TRRAP: variants seen among roughly 807,000 people sequenced by gnomAD.
TRRAP encodes the protein transformation/transcription domain-associated protein.
TRRAP carries 41 observed loss-of-function variants against 438.8 expected under a neutral mutation model. The observed-to-expected ratio is 0.09, with a 90% CI of 0.07 to 0.12. The LOEUF (loss-of-function observed/expected upper bound fraction) is 0.12, where lower values mean the gene tolerates loss of function less well. Among genes scored for constraint, TRRAP ranks in the 10% least tolerant of loss-of-function variants. TRRAP has a pLI of 1.00. For missense variants in TRRAP, 3,122 were observed against 5,055.1 expected (o/e 0.62, Z 11.60); for synonymous variants, 1,994 against 1,962.9 (o/e 1.02, Z -0.42).
At chr7:98,972,323 G>A (rs1014664221) in intron 53 of TRRAP, among the ~76,000 whole-genome samples, 4 of 152,172 alleles carry the variant, frequency 2.6e-5, no homozygotes, top group Non-Finnish European at 5.9e-5. Context: ...GATTATAGGC[G>A]TGAAGCAGAG....
In TRRAP at chr7:98,995,000, C is replaced by A; in HGVS notation, c.10309+152C>A. The A allele has an allele frequency of 8.4e-7, 1 of 1,186,378 alleles. No homozygotes were observed. Among genetic ancestry groups the A allele is most frequent in the Non-Finnish European group, 1.2e-6 (1 of 863,052 alleles). The allele number at this position is 1,186,378 out of a possible 1,614,324, so 73.5% of individuals were successfully genotyped here. Reference sequence around the variant, plus strand: ...TGTTTACAGTGCAGACTTCAGAGTGCATAGCTGAGACCACATGTTTTTCTC... The same window carrying A: ...TGTTTACAGTGCAGACTTCAGAGTGAATAGCTGAGACCACATGTTTTTCTC... On this transcript the variant is annotated intron_variant, in intron 67 of 72. Transcript: ENST00000456197. The surrounding 1 kb of genome is among the most constrained non-coding windows in gnomAD (Gnocchi z 4.8).
intron 56 of TRRAP, 23 bp from the exon 57 acceptor site, chr7:98,978,188 T>G (rs1195512081): frequency 3.2e-6 from 5 of 1,584,104 alleles, no homozygotes; most frequent in African/African-American, 1.4e-5. Context: ...AAACAGTGAT[T>G]TAAAAACATT....
At chr7:98,965,543 A>C in intron 48 of TRRAP, 153 bp from the exon 49 acceptor site, 2 of 998,346 alleles carry the variant, frequency 2.0e-6, no homozygotes, top group Non-Finnish European at 3.0e-6. Flanking sequence ...ACGTAAGAAC[A>C]TATGAGTGCT....
At position 98,948,709 on chromosome 7, in the gene TRRAP, T is replaced by C. The variant is rs1407473543; in HGVS notation, c.4788+24T>C. 1 of 1,613,738 alleles carries C rather than the reference T, an allele frequency of 6.2e-7. No homozygotes were observed. The highest frequency in any genetic ancestry group is 1.3e-5 in the African/African-American group (1 of 74,872). On this transcript the variant is annotated intron_variant, in intron 35 of 72. Transcript: ENST00000456197. This position sits in a 1 kb window ranked among gnomAD's most constrained non-coding sequence, Gnocchi z 4.9. ...TGGTAAGAGCTGTGAGCAGCTGGAGTCAGGGGTCCCTTCAAATGCTTGTGA... is the reference window on the plus strand; with the variant it reads ...TGGTAAGAGCTGTGAGCAGCTGGAGCCAGGGGTCCCTTCAAATGCTTGTGA...
Position 98,892,544 on chromosome 7 carries a change from T to A in TRRAP, c.366+16T>A. On this transcript the variant is annotated intron_variant, in intron 5 of 72. Coordinates refer to ENST00000456197, the MANE Select transcript of TRRAP (RefSeq NM_001375524.1). Reference sequence around the variant, plus strand: ...CTTTTTAGAGGTAAGTTTTGAGAATTAATTCTTGTCGTATAGCCGTATGTA... The same window carrying A: ...CTTTTTAGAGGTAAGTTTTGAGAATAAATTCTTGTCGTATAGCCGTATGTA... The A allele has an allele frequency of 6.3e-7, 1 of 1,582,602 alleles. No individual in the cohort carries two copies.
At chr7:98,911,024 T>A in intron 16 of TRRAP, 53 bp from the exon 17 acceptor site, 1 of 1,530,098 alleles carries the variant, frequency 6.5e-7, no homozygotes, top group Non-Finnish European at 8.9e-7. Context: ...ATGGAACATA[T>A]TCAGAGAGGT....
intron 53 of TRRAP, among the ~76,000 whole-genome samples, chr7:98,974,248 C>T (rs186162416): frequency 6.6e-6 from 1 of 152,242 alleles, no homozygotes; most frequent in Admixed American, 6.5e-5. Flanking sequence ...TTTCATGGAG[C>T]AAGATGGGGT....
intron 37 of TRRAP, 27 bp downstream of exon 37, chr7:98,949,868 G>A (rs375634395): frequency 6.6e-5 from 106 of 1,601,942 alleles, no homozygotes; most frequent in Non-Finnish European, 4.5e-5. Context: ...GCCCTGCCCC[G>A]CGGGACTGGC....
intron 7 of TRRAP, among the ~76,000 whole-genome samples, chr7:98,896,595 G>A (rs1281283309): frequency 6.6e-6 from 1 of 151,526 alleles, no homozygotes; most frequent in African/African-American, 2.4e-5. Context: ...TTTAGTAGAG[G>A]CTGGTCTTGA....
At chr7:98,914,062 C>T (rs936833484) in intron 18 of TRRAP, among the ~76,000 whole-genome samples, 3 of 152,174 alleles carry the variant, frequency 2.0e-5, no homozygotes, top group Non-Finnish European at 4.4e-5. Flanking sequence ...ATAGTAATTA[C>T]TTATCAACAA....
At chr7:98,953,662 G>T (rs1173003064) in intron 40 of TRRAP, among the ~76,000 whole-genome samples, 2 of 152,174 alleles carry the variant, frequency 1.3e-5, no homozygotes, top group Non-Finnish European at 2.9e-5. Flanking sequence ...GGTGGGGAGC[G>T]AGTATTGAAT....
At chr7:98,965,237 T>C (rs1409116013) in intron 48 of TRRAP, among the ~76,000 whole-genome samples, 1 of 152,272 alleles carries the variant, frequency 6.6e-6, no homozygotes, top group East Asian at 1.9e-4. Flanking sequence ...CATTCACCAC[T>C]GAGACTTACC....
intron 30 of TRRAP, among the ~76,000 whole-genome samples, chr7:98,938,208 G>A (rs782555385): frequency 6.6e-6 from 1 of 152,094 alleles, no homozygotes; most frequent in African/African-American, 2.4e-5. Flanking sequence ...AGTGGCACGT[G>A]CCTGTGGTCC....
At chr7:98,919,477 C>T (rs1554410120) in intron 20 of TRRAP, among the ~76,000 whole-genome samples, 2 of 152,180 alleles carry the variant, frequency 1.3e-5, no homozygotes, top group Non-Finnish European at 1.5e-5. Context: ...TGGTACATGC[C>T]TGTAGTCCCA....
At chr7:98,990,184 C>T (rs1199698293) in intron 63 of TRRAP, among the ~76,000 whole-genome samples, 2 of 152,122 alleles carry the variant, frequency 1.3e-5, no homozygotes, top group Non-Finnish European at 2.9e-5. Flanking sequence ...GCCAAGATCG[C>T]ACCACGGCAC....
Position 98,910,591 on chromosome 7 carries a change from C to T in TRRAP, c.1796C>T (p.Ala599Val). The T allele has an allele frequency of 1.2e-6, 2 of 1,613,166 alleles. No homozygotes were observed. The highest frequency in any genetic ancestry group is 1.7e-6 in the Non-Finnish European group (2 of 1,179,688). ...AAACTTGTGAAATATGCAATGCAAG[C>T]TTTAGATATTTATCAGGTAAGGAAG... is the stretch of plus-strand genomic sequence containing the variant. ...YIKLVKYAMQALDIYQVQIAG... is the reference protein window; with the variant it reads ...YIKLVKYAMQVLDIYQVQIAG... The change falls in exon 16 of 73, where the codon GCT (alanine) becomes GTT (valine). Residue 599 changes from alanine (A) to valine (V), a missense_variant. Coordinates refer to ENST00000456197, the MANE Select transcript of TRRAP (RefSeq NM_001375524.1).
intron 23 of TRRAP, among the ~76,000 whole-genome samples, chr7:98,929,744 C>T (rs1295304524): frequency 6.6e-6 from 1 of 152,114 alleles, no homozygotes; most frequent in Non-Finnish European, 1.5e-5. Context: ...CAGGCGCCTG[C>T]CACCATGCCT....
chr7:98,990,749 T>A, intron 64 of TRRAP, 130 bp downstream of exon 64: 1 of 1,000,932 alleles, frequency 1.0e-6, no homozygotes, highest in East Asian at 2.6e-5. Flanking sequence ...TGGGAAGATA[T>A]AATCATGTAG....
chr7:98,930,996 A>G (rs981286360), intron 25 of TRRAP, among the ~76,000 whole-genome samples, 166 bp downstream of exon 25: 1 of 152,336 alleles, frequency 6.6e-6, no homozygotes, highest in South Asian at 2.1e-4. Context: ...CAGAGCTCCC[A>G]TAGGCCTTCT....
Sources: gnomAD v4.1 joint callset for allele counts (sites outside exome capture counted in the v4.1 genomes callset) on GRCh38, gnomAD v4.1.1 for gene constraint, Gnocchi (gnomAD v3.1) non-coding constraint, MANE v1.5 for transcripts, NCBI Gene and HGNC (gene_info 2026-07-23, HGNC 2026-07-21) for gene names.